Variants in CDC42BPA observed in about 807,000 individuals in gnomAD.
The protein encoded by CDC42BPA is CDC42 binding protein kinase alpha, also known as serine/threonine-protein kinase MRCK alpha.
CDC42BPA carries 80 observed loss-of-function variants against 223.5 expected under a neutral mutation model. The ratio of observed to expected loss-of-function variants is 0.36; its 90% CI spans 0.30 to 0.43. CDC42BPA has a LOEUF of 0.43. Ranked by LOEUF, CDC42BPA falls within the 20% of genes least tolerant of loss-of-function variation. CDC42BPA has a pLI of 1.00. For synonymous variants in CDC42BPA, 694 were observed against 718.6 expected (o/e 0.97, Z 0.55); for missense variants, 1,743 against 2,099.9 (o/e 0.83, Z 3.32).
At chr1:227,214,239 G>A (rs916203808) in intron 2 of CDC42BPA, among the ~76,000 whole-genome samples, 5 of 151,742 alleles carry the variant, frequency 3.3e-5, no homozygotes, top group Non-Finnish European at 7.4e-5. Context: ...AATAGCAAAT[G>A]TGCATATCAA....
At chr1:227,243,677 C>T (rs1022719830) in intron 2 of CDC42BPA, among the ~76,000 whole-genome samples, 2 of 151,868 alleles carry the variant, frequency 1.3e-5, no homozygotes, top group Non-Finnish European at 2.9e-5. Flanking sequence ...TAATTAATTG[C>T]ACTCCATTAA....
chr1:227,097,406 G>A (rs1332062294), intron 15 of CDC42BPA, among the ~76,000 whole-genome samples: 1 of 152,120 alleles, frequency 6.6e-6, no homozygotes, highest in African/African-American at 2.4e-5. Context: ...TTGACATGCT[G>A]ACAGACTTTA....
At chr1:227,032,064 A>G (rs1394380771) in intron 27 of CDC42BPA, among the ~76,000 whole-genome samples, 1 of 152,204 alleles carries the variant, frequency 6.6e-6, no homozygotes, top group Non-Finnish European at 1.5e-5. Context: ...TAAGGTCAGA[A>G]GTGCTCAGAA....
chr1:227,112,476 A>G, intron 13 of CDC42BPA, 54 bp from the exon 14 acceptor site: 2 of 1,344,560 alleles, frequency 1.5e-6, no homozygotes, highest in Non-Finnish European at 2.1e-6. Flanking sequence ...TTTTCCAAAC[A>G]AAACATTTAT....
At chr1:227,194,128 C>T (rs928214993) in intron 4 of CDC42BPA, among the ~76,000 whole-genome samples, 194 bp from the exon 5 acceptor site, 1 of 152,060 alleles carries the variant, frequency 6.6e-6, no homozygotes, top group Non-Finnish European at 1.5e-5. Flanking sequence ...AGCAGTAAAA[C>T]AAAATTTTTA....
intron 21 of CDC42BPA, among the ~76,000 whole-genome samples, chr1:227,057,304 AG>A (rs1306724137): frequency 6.6e-6 from 1 of 152,226 alleles, no homozygotes; most frequent in Non-Finnish European, 1.5e-5. Flanking sequence ...ATAGCATACT[AG>A]AAACAAGAAT....
chr1:227,229,739 T>C (rs1677482593), intron 2 of CDC42BPA, among the ~76,000 whole-genome samples: 1 of 152,228 alleles, frequency 6.6e-6, no homozygotes, highest in Non-Finnish European at 1.5e-5. Context: ...CTTAGATTGA[T>C]GGCTTTTCTT....
At chr1:227,236,715 G>A (rs552851196) in intron 2 of CDC42BPA, among the ~76,000 whole-genome samples, 1 of 152,108 alleles carries the variant, frequency 6.6e-6, no homozygotes, top group South Asian at 2.1e-4. Flanking sequence ...AGCCCTACCC[G>A]ATCACAACCC....
intron 21 of CDC42BPA, among the ~76,000 whole-genome samples, chr1:227,056,564 A>C (rs776900322): frequency 1.3e-5 from 2 of 151,898 alleles, no homozygotes; most frequent in African/African-American, 4.8e-5. Context: ...ATTTTTAAAA[A>C]ATTTTTTTGT....
At position 227,061,341 on chromosome 1, in the gene CDC42BPA, G is replaced by A. The variant is rs116388971; in HGVS notation, c.2904+8436C>T. On this transcript the variant is annotated intron_variant, in intron 21 of 36. Transcript: ENST00000366766. ...ATTTATTATGTGCAGAGTATATGCA[G>A]ATCGTTTTCCAAAGTGCTTTACATA... 4.4e-3 allele frequency among the ~76,000 whole-genome samples: 673 copies of A among 152,232 alleles called. 1 individual carries two copies. Among genetic ancestry groups the A allele is most frequent in the Non-Finnish European group, 6.9e-3 (466 of 68,006 alleles).
At chr1:227,090,404 T>C (rs868391761) in intron 16 of CDC42BPA, among the ~76,000 whole-genome samples, 6 of 152,174 alleles carry the variant, frequency 3.9e-5, no homozygotes, top group Admixed American at 1.3e-4. Context: ...TAACTAATAA[T>C]TGAACATAAT....
At chr1:227,044,289 T>A (rs924082212) in intron 23 of CDC42BPA, among the ~76,000 whole-genome samples, 3 of 152,190 alleles carry the variant, frequency 2.0e-5, no homozygotes, top group African/African-American at 7.2e-5. Flanking sequence ...CACTAGTCTG[T>A]CATCATCTGT....
At position 227,146,248 on chromosome 1, in the gene CDC42BPA, T is replaced by A. The variant is rs547565928; in HGVS notation, c.895-511A>T. ...GAAATAAAGACACACAGAATTCAAG[T>A]AACTTTCTCAACATTACACATCTAG... On this transcript the variant is annotated intron_variant, in intron 7 of 36. Transcript: ENST00000366766. 1.2e-4 allele frequency among the ~76,000 whole-genome samples: 18 copies of A among 152,248 alleles called. No individual in the cohort carries two copies. The South Asian group carries it at 3.5e-3, about 30-fold the overall frequency.
chr1:227,112,805 G>C lies in CDC42BPA; in HGVS notation c.1756C>G (p.Leu586Val). Residue 586 changes from leucine to valine, a missense_variant, in exon 13 of 37, where the codon CTA becomes GTA. Leu to Val is a conservative substitution (Grantham distance 32). Around this residue, in one of 6 missense-constraint regions of CDC42BPA, gnomAD observed 464 missense variants for 488.0 expected, o/e 0.95. Transcript: ENST00000366766. ...MQEFMEINERLTELHTQKQKL... is the reference protein window; with the variant it reads ...MQEFMEINERVTELHTQKQKL... ...TGTTTTTGGGTGTGCAATTCTGTTA[G>C]CCGCTCATTGATCTCCATGAATTCC... The C allele has an allele frequency of 6.2e-7, 1 of 1,614,052 alleles. No individual in the cohort carries two copies. The highest frequency in any genetic ancestry group is 8.5e-7 in the Non-Finnish European group (1 of 1,179,982).
chr1:227,136,756 G>A (rs1658648869), intron 10 of CDC42BPA, among the ~76,000 whole-genome samples: 3 of 152,164 alleles, frequency 2.0e-5, no homozygotes, highest in Admixed American at 2.0e-4. Context: ...GTAGAGCTCT[G>A]AAAGAAAAAG....
chr1:227,098,653 T>C (rs116368409), intron 15 of CDC42BPA, among the ~76,000 whole-genome samples: 130 of 152,082 alleles, frequency 8.5e-4, no homozygotes, highest in Non-Finnish European at 1.6e-3. Context: ...CATCAATACA[T>C]TGCTATCTTT....
At chr1:227,107,348 T>C (rs1370240002) in intron 14 of CDC42BPA, among the ~76,000 whole-genome samples, 2 of 152,216 alleles carry the variant, frequency 1.3e-5, no homozygotes, top group African/African-American at 4.8e-5. Flanking sequence ...TGCTGCCTTA[T>C]AGAAACACAA....
intron 1 of CDC42BPA, among the ~76,000 whole-genome samples, chr1:227,263,302 T>C (rs1684412445): frequency 6.6e-6 from 1 of 152,188 alleles, no homozygotes; most frequent in African/African-American, 2.4e-5. Flanking sequence ...CATAATATAG[T>C]AGTTTATATA....
intron 5 of CDC42BPA, among the ~76,000 whole-genome samples, chr1:227,178,153 G>C (rs1232253630): frequency 6.6e-6 from 1 of 152,144 alleles, no homozygotes; most frequent in Non-Finnish European, 1.5e-5. Flanking sequence ...TGCTGGTTTA[G>C]CTCTGTGTCC....
Sources: gnomAD v4.1 joint callset for allele counts (sites outside exome capture counted in the v4.1 genomes callset) on GRCh38, gnomAD v4.1.1 for gene constraint, gnomAD v4.1.1 regional missense constraint, MANE v1.5 for transcripts, NCBI Gene and HGNC (gene_info 2026-07-23, HGNC 2026-07-21) for gene names.